Variants in CHST11 observed in about 807,000 individuals in gnomAD.
CHST11 encodes carbohydrate sulfotransferase 11, also known as C4S-1.
Under a neutral mutation model 30.4 loss-of-function variants are expected in CHST11, and 9 were observed. The observed-to-expected ratio is 0.30, with a 90% CI of 0.18 to 0.52. The LOEUF is 0.52. CHST11 is among the 20% of genes least tolerant of loss of function. The probability of loss-of-function intolerance (pLI) is 0.97; values close to 1 mark genes in which losing one functional copy is unlikely to be tolerated. For missense variants in CHST11, 348 were observed against 460.6 expected (o/e 0.76, Z 2.24); for synonymous variants, 152 against 187.8 (o/e 0.81, Z 1.56).
chr12:104,582,908 A>G (rs1367601955), intron 1 of CHST11, among the ~76,000 whole-genome samples: 3 of 151,702 alleles, frequency 2.0e-5, no homozygotes, highest in South Asian at 2.1e-4. Flanking sequence ...CTGAACTGGA[A>G]CTGTTTCTAA....
At chr12:104,464,487 C>A (rs1014117776) in intron 1 of CHST11, among the ~76,000 whole-genome samples, 5 of 152,038 alleles carry the variant, frequency 3.3e-5, no homozygotes, top group Non-Finnish European at 1.5e-5. Context: ...AGACCATCTC[C>A]TTTTTCAATT....
chr12:104,666,925 G>A (rs1376542111), intron 2 of CHST11, among the ~76,000 whole-genome samples: 1 of 152,144 alleles, frequency 6.6e-6, no homozygotes, highest in Non-Finnish European at 1.5e-5. Flanking sequence ...AGGGTAGCTG[G>A]CCAGGACTCT....
intron 1 of CHST11, among the ~76,000 whole-genome samples, chr12:104,484,784 A>G (rs1426594726): frequency 1.3e-5 from 2 of 152,228 alleles, no homozygotes; most frequent in Non-Finnish European, 2.9e-5. Context: ...TAGCAAGGAA[A>G]CCTAATGAAT....
intron 2 of CHST11, among the ~76,000 whole-genome samples, chr12:104,734,924 G>A (rs1425028851): frequency 2.0e-5 from 3 of 152,222 alleles, no homozygotes; most frequent in Non-Finnish European, 2.9e-5. Flanking sequence ...TCATCGTGTT[G>A]TTTACGTGAA....
chr12:104,714,152 C>T lies in CHST11; in HGVS notation c.205-42797C>T, dbSNP rs143883098. ...TATATATGTATCTCAAAGGTCAGAG[C>T]ATGTGAAGAAGGCGCACTGGGAGAG... On this transcript the variant is annotated intron_variant, in intron 2 of 2. Transcript: ENST00000303694. 2.7e-3 allele frequency among the ~76,000 whole-genome samples: 414 copies of T among 152,298 alleles called. 3 individuals are homozygous for T. The highest frequency in any genetic ancestry group is 9.4e-3 in the African/African-American group (390 of 41,558).
chr12:104,557,177 C>T (rs1041095912), intron 1 of CHST11, among the ~76,000 whole-genome samples: 3 of 152,066 alleles, frequency 2.0e-5, no homozygotes, highest in Admixed American at 2.0e-4. Flanking sequence ...GGACAAAATT[C>T]AACCCACAAC....
At position 104,716,734 on chromosome 12, in the gene CHST11, C is replaced by T. The variant is rs116504842; in HGVS notation, c.205-40215C>T. ...AGGGTCTGTGAATGCTGCTCATCCACGGAGGGCTTCACAGGCCCAGAATTT... is the reference window on the plus strand; with the variant it reads ...AGGGTCTGTGAATGCTGCTCATCCATGGAGGGCTTCACAGGCCCAGAATTT... On this transcript the variant is annotated intron_variant, in intron 2 of 2. Coordinates refer to ENST00000303694, the MANE Select transcript of CHST11 (RefSeq NM_018413.6). Among the ~76,000 whole-genome samples the T allele has an allele frequency of 3.7e-3, 570 of 152,328 alleles. 4 individuals carry two copies. Among genetic ancestry groups the T allele is most frequent in the African/African-American group, 0.012 (479 of 41,578 alleles).
intron 1 of CHST11, among the ~76,000 whole-genome samples, chr12:104,585,428 C>T (rs1007153744): frequency 2.0e-5 from 3 of 152,142 alleles, no homozygotes; most frequent in Non-Finnish European, 4.4e-5. Context: ...GAGATACTCT[C>T]AAATAATTAG....
At chr12:104,549,986 T>C (rs1463225906) in intron 1 of CHST11, among the ~76,000 whole-genome samples, 1 of 152,164 alleles carries the variant, frequency 6.6e-6, no homozygotes, top group African/African-American at 2.4e-5. Context: ...AGAAGCCTGG[T>C]GGCACCCAGG....
intron 2 of CHST11, among the ~76,000 whole-genome samples, chr12:104,630,219 A>G (rs2039258013): frequency 6.6e-6 from 1 of 152,194 alleles, no homozygotes; most frequent in Non-Finnish European, 1.5e-5. Flanking sequence ...TGTACAGGAC[A>G]TGTATACCAG....
At chr12:104,610,763 C>G (rs569766792) in intron 2 of CHST11, among the ~76,000 whole-genome samples, 13 of 152,312 alleles carry the variant, frequency 8.5e-5, no homozygotes, top group Admixed American at 8.5e-4. Flanking sequence ...CCAGTGGAGT[C>G]TGTGGGTCTG....
At chr12:104,688,381 A>C (rs2039867999) in intron 2 of CHST11, among the ~76,000 whole-genome samples, 1 of 152,096 alleles carries the variant, frequency 6.6e-6, no homozygotes, top group South Asian at 2.1e-4. Flanking sequence ...AGACCGAGGC[A>C]AGGAGAAGTA....
At chr12:104,723,145 A>T (rs1470047626) in intron 2 of CHST11, among the ~76,000 whole-genome samples, 1 of 152,068 alleles carries the variant, frequency 6.6e-6, no homozygotes, top group African/African-American at 2.4e-5. Flanking sequence ...GGGAGTCATG[A>T]TAGCAGTCAG....
At chr12:104,616,467 ATTTT>A (rs35122771) in intron 2 of CHST11, among the ~76,000 whole-genome samples, 1 of 139,352 alleles carries the variant, frequency 7.2e-6, no homozygotes. Flanking sequence ...GGGAAACTAC[ATTTT>A]TTTTTTTTTT....
intron 2 of CHST11, among the ~76,000 whole-genome samples, chr12:104,722,544 A>G (rs2040185931): frequency 6.6e-6 from 1 of 152,098 alleles, no homozygotes; most frequent in South Asian, 2.1e-4. Context: ...GCCTTTGCAG[A>G]CGTTCAAAAA....
intron 1 of CHST11, among the ~76,000 whole-genome samples, chr12:104,526,666 G>A (rs747687220): frequency 4.1e-4 from 62 of 152,270 alleles, no homozygotes; most frequent in Non-Finnish European, 7.4e-4. Context: ...CCCTGGACTC[G>A]TGTTCTCAAC....
intron 1 of CHST11, among the ~76,000 whole-genome samples, chr12:104,542,316 C>A (rs1242046596): frequency 6.6e-6 from 1 of 152,134 alleles, no homozygotes; most frequent in Non-Finnish European, 1.5e-5. Context: ...ATGTTCATAG[C>A]GGCATTATTC....
intron 2 of CHST11, among the ~76,000 whole-genome samples, chr12:104,609,902 G>T (rs1240626266): frequency 6.6e-6 from 1 of 152,162 alleles, no homozygotes; most frequent in Non-Finnish European, 1.5e-5. Flanking sequence ...ATAATAATAA[G>T]ATGGATGATT....
chr12:104,568,369 C>T (rs773749346), intron 1 of CHST11, among the ~76,000 whole-genome samples: 3 of 152,190 alleles, frequency 2.0e-5, no homozygotes, highest in Non-Finnish European at 4.4e-5. Flanking sequence ...CTGTCTGCCT[C>T]CTTAGCCCTC....
Sources: gnomAD v4.1 joint callset for allele counts (sites outside exome capture counted in the v4.1 genomes callset) on GRCh38, gnomAD v4.1.1 for gene constraint, MANE v1.5 for transcripts, NCBI Gene and HGNC (gene_info 2026-07-23, HGNC 2026-07-21) for gene names.